The following CCSER1 variants were observed in gnomAD, a reference collection of about 807,000 sequenced individuals.
The protein encoded by CCSER1 is serine-rich coiled-coil domain-containing protein 1.
In CCSER1, 41 loss-of-function variants were observed where a neutral mutation model predicts 82.0. The ratio of observed to expected loss-of-function variants is 0.50; its 90% CI spans 0.39 to 0.65. The LOEUF (loss-of-function observed/expected upper bound fraction) is 0.65, where lower values mean the gene tolerates loss of function less well. CCSER1 is among the 30% of genes least tolerant of loss of function. The pLI is 0.00. For missense variants in CCSER1, 1,119 were observed against 1,064.2 expected, an observed-to-expected ratio of 1.05 and a Z score of -0.72; for synonymous variants, 414 against 383.9, an observed-to-expected ratio of 1.08 and a Z score of -0.92.
At chr4:90,200,600 C>T (rs13146757) in intron 1 of CCSER1, among the ~76,000 whole-genome samples, 1,844 of 151,962 alleles carry the variant, frequency 0.012, 20 homozygotes, top group Non-Finnish European at 0.021. Context: ...GATAAGATTA[C>T]GGCTGTTAGG....
At chr4:91,324,370 G>GTTC (rs1746403332) in intron 10 of CCSER1, among the ~76,000 whole-genome samples, 1 of 152,134 alleles carries the variant, frequency 6.6e-6, no homozygotes, top group Non-Finnish European at 1.5e-5. Context: ...TCAGCAAAGT[G>GTTC]TTTAGAAGAG....
intron 10 of CCSER1, among the ~76,000 whole-genome samples, chr4:91,371,725 T>A (rs1560619098): frequency 6.6e-6 from 1 of 152,190 alleles, no homozygotes; most frequent in Admixed American, 6.6e-5. Flanking sequence ...CAATCTCTAG[T>A]AGCAAGTAAT....
chr4:90,863,670 A>G (rs1765376270), intron 8 of CCSER1, among the ~76,000 whole-genome samples: 2 of 151,854 alleles, frequency 1.3e-5, no homozygotes, highest in Non-Finnish European at 2.9e-5. Context: ...ATTGTCACTT[A>G]CCCAATCAGA....
intron 5 of CCSER1, among the ~76,000 whole-genome samples, chr4:90,511,571 G>A (rs920572576): frequency 6.6e-6 from 1 of 152,146 alleles, no homozygotes; most frequent in East Asian, 1.9e-4. Flanking sequence ...GTTGTAAAGT[G>A]GAATAGATAA....
intron 10 of CCSER1, among the ~76,000 whole-genome samples, chr4:91,259,335 G>A (rs780662454): frequency 6.6e-6 from 1 of 152,066 alleles, no homozygotes; most frequent in Non-Finnish European, 1.5e-5. Flanking sequence ...TGTTCTCAAA[G>A]CATTAGTGTG....
rs564811197 is a variant in CCSER1, at chr4:90,353,662, A to T, written c.1509+40615A>T. Reference sequence around the variant, plus strand: ...TTTCCTGACTCCAAGCTAGCAACAGAAAACAAGGTAGGCTTATGTCTCCTT... The same window carrying T: ...TTTCCTGACTCCAAGCTAGCAACAGTAAACAAGGTAGGCTTATGTCTCCTT... On this transcript the variant is annotated intron_variant, in intron 3 of 10. Coordinates refer to ENST00000509176, the MANE Select transcript of CCSER1 (RefSeq NM_001145065.2). 6.6e-5 allele frequency among the ~76,000 whole-genome samples: 10 copies of T among 152,306 alleles called. No homozygotes were observed. In the South Asian group the frequency reaches 2.1e-3, roughly 32 times the overall value.
chr4:91,591,365 C>T (rs1160565433), intron 10 of CCSER1, among the ~76,000 whole-genome samples: 1 of 152,054 alleles, frequency 6.6e-6, no homozygotes, highest in Non-Finnish European at 1.5e-5. Context: ...CTTGATATCA[C>T]AGCATTGCAT....
rs536698334 is a variant in CCSER1, at chr4:91,592,413, C to T, written c.2218-6159C>T. Among the ~76,000 whole-genome samples, 7 of 152,110 alleles carry T rather than the reference C, an allele frequency of 4.6e-5. No individual in the cohort carries two copies. In the South Asian group the frequency reaches 1.5e-3, roughly 32 times the overall value. ...CTGGGGACACAGACAAACCATATCA[C>T]CTGGGTACTGTAATGGGCAGAGGTA... On this transcript the variant is annotated intron_variant, in intron 10 of 10. Transcript: ENST00000509176.
intron 9 of CCSER1, among the ~76,000 whole-genome samples, chr4:90,995,936 G>A (rs1302251963): frequency 6.6e-6 from 1 of 151,942 alleles, no homozygotes; most frequent in Non-Finnish European, 1.5e-5. Flanking sequence ...ATATGTATAA[G>A]CATCACCTCT....
At chr4:90,377,956 A>G (rs1748623711) in intron 3 of CCSER1, among the ~76,000 whole-genome samples, 1 of 152,086 alleles carries the variant, frequency 6.6e-6, no homozygotes, top group Non-Finnish European at 1.5e-5. Flanking sequence ...CCATTTTAAA[A>G]TTTCATCTCT....
At chr4:90,784,802 C>T (rs1031326358) in intron 7 of CCSER1, among the ~76,000 whole-genome samples, 1 of 152,048 alleles carries the variant, frequency 6.6e-6, no homozygotes, top group African/African-American at 2.4e-5. Context: ...GGTTGATTAA[C>T]ATGTATTTTG....
chr4:91,551,656 AACACACAC>A lies in CCSER1; in HGVS notation c.2218-46878_2218-46871del, dbSNP rs58159693. ...TTCCTGAAGCAGCAGGCAAAAAACA[AACACACAC>A]ACACACACACACACACACACACACA... On this transcript the variant is annotated intron_variant, in intron 10 of 10. Transcript: ENST00000509176. Among the ~76,000 whole-genome samples, 1,135 of 139,486 alleles carry A rather than the reference AACACACAC, an allele frequency of 8.1e-3. 14 individuals are homozygous for A. The highest frequency in any genetic ancestry group is 0.034 in the East Asian group (163 of 4,728). 91.5% of individuals were successfully genotyped at this position (139,486 alleles called of 152,430 possible).
At chr4:91,184,594 T>A (rs1734349670) in intron 10 of CCSER1, among the ~76,000 whole-genome samples, 2 of 152,208 alleles carry the variant, frequency 1.3e-5, no homozygotes, top group African/African-American at 4.8e-5. Flanking sequence ...AGTAACTAAT[T>A]TCTCTAAAGC....
At chr4:91,367,147 AAAAG>A (rs1340709647) in intron 10 of CCSER1, among the ~76,000 whole-genome samples, 3 of 148,676 alleles carry the variant, frequency 2.0e-5, no homozygotes, top group Non-Finnish European at 4.5e-5. Context: ...AAAAAAAAAA[AAAAG>A]AGAAAAAAAT....
intron 8 of CCSER1, among the ~76,000 whole-genome samples, chr4:90,866,652 A>G (rs943293774): frequency 6.6e-6 from 1 of 152,134 alleles, no homozygotes; most frequent in African/African-American, 2.4e-5. Context: ...AGATGCCACA[A>G]AACTAATCAG....
chr4:90,340,877 C>T (rs1342915676), intron 3 of CCSER1, among the ~76,000 whole-genome samples: 1 of 152,036 alleles, frequency 6.6e-6, no homozygotes, highest in African/African-American at 2.4e-5. Context: ...GTCAGTTCAT[C>T]TTGGGTTTAG....
chr4:90,279,023 T>G (rs545958657), intron 1 of CCSER1, among the ~76,000 whole-genome samples: 2 of 152,144 alleles, frequency 1.3e-5, no homozygotes, highest in South Asian at 4.2e-4. Flanking sequence ...AGCTGCCAAT[T>G]TTTCCTTTAT....
At chr4:91,279,825 T>C (rs1027757207) in intron 10 of CCSER1, among the ~76,000 whole-genome samples, 1 of 152,226 alleles carries the variant, frequency 6.6e-6, no homozygotes. Context: ...TTCATGTCTC[T>C]TGTGCCCTTA....
At chr4:91,438,083 C>G (rs575479385) in intron 10 of CCSER1, among the ~76,000 whole-genome samples, 86 of 152,318 alleles carry the variant, frequency 5.6e-4, no homozygotes, top group Non-Finnish European at 9.0e-4. Context: ...CAGCAGTAAC[C>G]TCTGCAGACT....
Sources: allele counts gnomAD v4.1 joint callset (sites outside exome capture counted in the v4.1 genomes callset), GRCh38; gene constraint gnomAD v4.1.1; transcripts MANE v1.5; gene names NCBI Gene and HGNC (gene_info 2026-07-23, HGNC 2026-07-21).